TREH: variants seen among roughly 807,000 people sequenced by gnomAD.
TREH encodes alpha,alpha-trehalose glucohydrolase.
In TREH, 69 loss-of-function variants were observed where a neutral mutation model predicts 80.5. The observed-to-expected ratio is 0.86, with a 90% confidence interval of 0.71 to 1.05. TREH has a LOEUF of 1.05. Ranked by LOEUF, TREH falls within the 50% of genes least tolerant of loss-of-function variation. The pLI is 0.00. For synonymous variants in TREH, 309 were observed against 293.5 expected, an observed-to-expected ratio of 1.05 and a Z score of -0.54; for missense variants, 716 against 718.8, an observed-to-expected ratio of 1.00 and a Z score of 0.04.
chr11:118,666,403 C>CT (rs1157609382), intron 1 of TREH, among the ~76,000 whole-genome samples: 6 of 152,108 alleles, frequency 3.9e-5, no homozygotes, highest in Admixed American at 3.3e-4. Context: ...TACCAGATGC[C>CT]TGAAAGGGGG....
intron 11 of TREH, 41 bp from the exon 12 acceptor site, chr11:118,659,522 G>A (rs377304435): frequency 2.0e-6 from 3 of 1,499,382 alleles, no homozygotes; most frequent in Middle Eastern, 2.0e-4. Flanking sequence ...GGGTGGGGCT[G>A]GACTGGGAGC....
chr11:118,671,926 A>C (rs1454759910), intron 1 of TREH, among the ~76,000 whole-genome samples: 3 of 152,138 alleles, frequency 2.0e-5, no homozygotes, highest in African/African-American at 4.8e-5. Flanking sequence ...TGCTGAAGGA[A>C]AAAAAAACTT....
At chr11:118,666,387 C>T (rs541099715) in intron 1 of TREH, among the ~76,000 whole-genome samples, 12 of 152,220 alleles carry the variant, frequency 7.9e-5, no homozygotes, top group South Asian at 2.1e-4. Context: ...TCTCTTAGCA[C>T]GATTATACCA....
chr11:118,677,397 T>G (rs1949490470), intron 1 of TREH, among the ~76,000 whole-genome samples: 1 of 152,216 alleles, frequency 6.6e-6, no homozygotes, highest in Non-Finnish European at 1.5e-5. Context: ...TATTTCACCT[T>G]TGATGGCTTT....
chr11:118,665,626 C>T (rs1949370326), intron 1 of TREH, among the ~76,000 whole-genome samples: 4 of 151,920 alleles, frequency 2.6e-5, no homozygotes, highest in South Asian at 2.1e-4. Context: ...GGCAACAGAG[C>T]GAGACTCCGT....
Position 118,661,637 on chromosome 11 carries a change from G to T in TREH, c.617C>A (p.Thr206Asn). 1 of 1,613,868 alleles carries T rather than the reference G, an allele frequency of 6.2e-7. No individual in the cohort carries two copies. The highest frequency in any genetic ancestry group is 8.5e-7 in the Non-Finnish European group (1 of 1,179,876). The change falls in exon 6 of 15, where the codon ACC becomes AAC. Residue 206 changes from threonine to asparagine, a missense_variant and splice_region_variant. Transcript: ENST00000264029. This position sits in a 1 kb window ranked among gnomAD's most constrained non-coding sequence, Gnocchi z 4.2. ...GCTGGAGGTGCCTGGCCCCCCTCAC[G>T]TTTTCACCAGGTCCAAGAAGTTCTG... is the stretch of plus-strand genomic sequence containing the variant. The part of the protein sequence containing the change: ...MLQNFLDLVK[T>N]YGHVPNGGRV...
At position 118,674,907 on chromosome 11, in the gene TREH, C is replaced by T. The variant is rs142977355; in HGVS notation, c.89+4632G>A. On this transcript the variant is annotated intron_variant, in intron 1 of 14. Transcript: ENST00000264029. This position sits in a 1 kb window ranked among gnomAD's most constrained non-coding sequence, Gnocchi z 4.4. Reference sequence around the variant, plus strand: ...GGACTTCAGCAGGTGTTTTTGGTACCACAGTGCAGGACTGGAGGTTGTAAT... The same window carrying T: ...GGACTTCAGCAGGTGTTTTTGGTACTACAGTGCAGGACTGGAGGTTGTAAT... Among the ~76,000 whole-genome samples, 4 of 152,290 alleles carry T rather than the reference C, an allele frequency of 2.6e-5. No homozygotes were observed. The highest frequency in any genetic ancestry group is 9.6e-5 in the African/African-American group (4 of 41,562).
At chr11:118,669,256 T>C (rs992012683) in intron 1 of TREH, among the ~76,000 whole-genome samples, 2 of 152,190 alleles carry the variant, frequency 1.3e-5, no homozygotes, top group Non-Finnish European at 2.9e-5. Context: ...GGAATGTAAA[T>C]TAGTACAACC....
intron 1 of TREH, among the ~76,000 whole-genome samples, chr11:118,672,510 G>A (rs1949439125): frequency 6.6e-6 from 1 of 152,040 alleles, no homozygotes; most frequent in South Asian, 2.1e-4. Context: ...CTGAGTTCAA[G>A]ACCAGCCTGG....
intron 10 of TREH, 146 bp from the exon 11 acceptor site, chr11:118,660,110 G>T (rs1949302388): frequency 5.0e-6 from 4 of 794,974 alleles, no homozygotes; most frequent in Non-Finnish European, 7.9e-6. Flanking sequence ...TGCCGATCTG[G>T]AGCCCACCAC....
intron 11 of TREH, 22 bp downstream of exon 11, chr11:118,659,725 G>A (rs117619140): frequency 1.1e-5 from 17 of 1,557,584 alleles, no homozygotes; most frequent in African/African-American, 4.1e-5. Context: ...CAGTGGACCC[G>A]AGCCACCTGC....
At position 118,660,042 on chromosome 11, in the gene TREH, G is replaced by A. The variant is rs191581092; in HGVS notation, c.1103-78C>T. 1,459 of 1,349,176 alleles carry A rather than the reference G, an allele frequency of 1.1e-3. 26 individuals are homozygous for A. In the Admixed American group the frequency reaches 0.03, roughly 27 times the overall value. The allele number at this position is 1,349,176 out of a possible 1,614,324, so 83.6% of individuals were successfully genotyped here. On this transcript the variant is annotated intron_variant, in intron 10 of 14. Coordinates refer to ENST00000264029, the MANE Select transcript of TREH (RefSeq NM_007180.3). ...AGGCTTTTTTCGTGGTTCTACTTTAGCCTCCCCGCTTTGTGTTTCTCTGCA... is the reference window on the plus strand; with the variant it reads ...AGGCTTTTTTCGTGGTTCTACTTTAACCTCCCCGCTTTGTGTTTCTCTGCA...
At chr11:118,668,561 CAAAAAAAAAAA>C (rs35085066) in intron 1 of TREH, among the ~76,000 whole-genome samples, 6 of 47,868 alleles carry the variant, frequency 1.3e-4, no homozygotes, top group Non-Finnish European at 2.0e-4. Context: ...GACTCTGTCT[CAAAAAAAAAAA>C]AAAAAAAAAA....
chr11:118,667,889 G>A (rs1555145813), intron 1 of TREH, among the ~76,000 whole-genome samples: 1 of 150,484 alleles, frequency 6.6e-6, no homozygotes, highest in African/African-American at 2.4e-5. Flanking sequence ...TTTTGAGACT[G>A]AGTCTCATTC....
intron 1 of TREH, among the ~76,000 whole-genome samples, chr11:118,676,703 G>T (rs562261065): frequency 0.016 from 364 of 22,246 alleles, 3 homozygotes; most frequent in African/African-American, 0.054. Context: ...GGGGGCAGAG[G>T]TTGCATTGAG....
In TREH at chr11:118,658,753, C is replaced by T. The variant is rs1555144067; in HGVS notation, c.1546-20G>A. ...GTCATACTGGGGACAAGCGGGTGGGCTGTATGTCAGGTACTGCCCCCCAGC... is the reference window on the plus strand; with the variant it reads ...GTCATACTGGGGACAAGCGGGTGGGTTGTATGTCAGGTACTGCCCCCCAGC... On this transcript the variant is annotated intron_variant, in intron 13 of 14. Coordinates refer to ENST00000264029, the MANE Select transcript of TREH (RefSeq NM_007180.3). 2 of 1,608,842 alleles carry T rather than the reference C, an allele frequency of 1.2e-6. No homozygotes were observed. The highest frequency in any genetic ancestry group is 2.7e-5 in the African/African-American group (2 of 74,824).
intron 1 of TREH, among the ~76,000 whole-genome samples, chr11:118,670,108 A>G (rs1555146081): frequency 6.6e-6 from 1 of 152,216 alleles, no homozygotes; most frequent in Non-Finnish European, 1.5e-5. Context: ...AAAAGAAATC[A>G]ATTTCCAGTT....
In TREH at chr11:118,661,791, T is replaced by G; in HGVS notation, c.525-62A>C. On this transcript the variant is annotated intron_variant, in intron 5 of 14. Transcript: ENST00000264029. This position sits in a 1 kb window ranked among gnomAD's most constrained non-coding sequence, Gnocchi z 4.2. ...TCCCTCTGCCCTGCACACCAGCCAGTGGGGCACTCTGCCCTGCTGAAGACA... is the reference window on the plus strand; with the variant it reads ...TCCCTCTGCCCTGCACACCAGCCAGGGGGGCACTCTGCCCTGCTGAAGACA... The G allele has an allele frequency of 6.2e-7, 1 of 1,602,922 alleles. No individual in the cohort carries two copies. The highest frequency in any genetic ancestry group is 8.5e-7 in the Non-Finnish European group (1 of 1,170,786).
rs1555144681 is a variant in TREH at position 118,660,570 on chromosome 11, C to T, written c.1071G>A (p.Glu357=). The change falls in exon 10 of 15, where the codon GAG becomes GAA. Residue 357 remains glutamate (E), a synonymous_variant. Coordinates refer to ENST00000264029, the MANE Select transcript of TREH (RefSeq NM_007180.3). Reference sequence around the variant, plus strand: ...TGGAATAGAAGTTGCTCATCAGCTCCTCTGCTTGGCATAGGAAGGCATTCA... The same window carrying T: ...TGGAATAGAAGTTGCTCATCAGCTCTTCTGCTTGGCATAGGAAGGCATTCA... The part of the protein sequence containing the change: ...VDLNAFLCQA[E]ELMSNFYSRL... 20 of 1,609,814 alleles carry T rather than the reference C, an allele frequency of 1.2e-5. No homozygotes were observed. Among genetic ancestry groups the T allele is most frequent in the Non-Finnish European group, 1.7e-5 (20 of 1,177,868 alleles).
Sources: gnomAD v4.1 joint callset for allele counts (sites outside exome capture counted in the v4.1 genomes callset) on GRCh38, gnomAD v4.1.1 for gene constraint, Gnocchi (gnomAD v3.1) non-coding constraint, MANE v1.5 for transcripts, NCBI Gene and HGNC (gene_info 2026-07-23, HGNC 2026-07-21) for gene names.